PALS1: variants seen among roughly 807,000 people sequenced by gnomAD.
PALS1 encodes protein associated with LIN7 1, MAGUK p55 family member.
In PALS1, 31 loss-of-function variants were observed where a neutral mutation model predicts 78.9. The ratio of observed to expected loss-of-function variants is 0.39; its 90% CI spans 0.30 to 0.53. The LOEUF is 0.53. Among genes scored for constraint, PALS1 ranks in the 20% least tolerant of loss-of-function variants. PALS1 has a pLI of 0.67. For synonymous variants in PALS1, 276 were observed against 270.9 expected, an observed-to-expected ratio of 1.02 and a Z score of -0.18; for missense variants, 704 against 826.5, an observed-to-expected ratio of 0.85 and a Z score of 1.82.
chr14:67,289,261 G>A (rs998673006), intron 3 of PALS1, among the ~76,000 whole-genome samples: 2 of 151,840 alleles, frequency 1.3e-5, no homozygotes, highest in Admixed American at 6.6e-5. Flanking sequence ...AGCCACCATC[G>A]CACGTGGCTG....
In PALS1 at chr14:67,269,801, T is replaced by C. The variant is rs2084382683; in HGVS notation, c.-154+18T>C. 1 of 152,628 alleles carries C rather than the reference T, an allele frequency of 6.6e-6. No individual in the cohort carries two copies. The highest frequency in any genetic ancestry group is 2.4e-5 in the African/African-American group (1 of 41,446). The allele number at this position is 152,628 out of a possible 1,614,324, so 9.5% of individuals were successfully genotyped here. On this transcript the variant is annotated intron_variant, in intron 2 of 14. Transcript: ENST00000261681. ...TGCATAATGTAAGTTCTTTTCACTT[T>C]TCTTGGCTTGAATTCTGCCTTAGCT...
At chr14:67,257,675 A>G (rs1046277831) in intron 1 of PALS1, among the ~76,000 whole-genome samples, 76 of 152,330 alleles carry the variant, frequency 5.0e-4, no homozygotes, top group Non-Finnish European at 1.8e-4. Flanking sequence ...GTATGTATAT[A>G]TAACATACAG....
In PALS1 at chr14:67,280,285, G is replaced by A. The variant is rs199737731; in HGVS notation, c.367+748G>A. ...AATTTACTGCCTGCCCTTCTTGCAC[G>A]TGCACATACACCCAAGTGCTCACTG... On this transcript the variant is annotated intron_variant, in intron 3 of 14. Transcript: ENST00000261681. Among the ~76,000 whole-genome samples, 9 of 152,294 alleles carry A rather than the reference G, an allele frequency of 5.9e-5. No individual in the cohort carries two copies. In the East Asian group the frequency reaches 1.7e-3, roughly 29 times the overall value.
chr14:67,278,941 A>G, intron 2 of PALS1, 77 bp from the exon 3 acceptor site: 1 of 384,296 alleles, frequency 2.6e-6, no homozygotes, highest in Non-Finnish European at 4.6e-6. Context: ...TTGTATGGTG[A>G]TTAGAAGTGG....
intron 4 of PALS1, among the ~76,000 whole-genome samples, chr14:67,299,192 T>G (rs1245974050): frequency 6.6e-6 from 1 of 152,208 alleles, no homozygotes; most frequent in Non-Finnish European, 1.5e-5. Flanking sequence ...ATTGGCTATT[T>G]CTCTATCTTT....
chr14:67,302,497 G>T lies in PALS1; in HGVS notation c.889G>T (p.Glu297Ter). 6.3e-7 allele frequency: 1 copy of T among 1,597,526 alleles called. No homozygotes were observed. The highest frequency in any genetic ancestry group is 8.5e-7 in the Non-Finnish European group (1 of 1,172,262). The change falls in exon 7 of 15, where the codon GAA (glutamate) becomes TAA (stop). Residue 297 changes from glutamate (E) to a stop codon, truncating the protein, a stop_gained. Transcript: ENST00000261681. LOFTEE classifies it high-confidence loss of function. ...TGCAGAGAAAAGTGGTCTGTTGCAT[G>T]AAGGAGATGAAGTTCTAGAGATTAA... ...GAAEKSGLLH[E>*]GDEVLEINGI...
intron 6 of PALS1, 84 bp downstream of exon 6, chr14:67,302,202 A>C: frequency 7.1e-7 from 1 of 1,405,158 alleles, no homozygotes; most frequent in South Asian, 1.6e-5. Flanking sequence ...TCAGAATTCT[A>C]ATGAATAGAG....
At chr14:67,267,204 GTTTTC>G (rs1474005464) in intron 1 of PALS1, among the ~76,000 whole-genome samples, 23 of 152,238 alleles carry the variant, frequency 1.5e-4, no homozygotes, top group Non-Finnish European at 2.4e-4. Flanking sequence ...TTGAGGTTTT[GTTTTC>G]TTTTAAAATC....
At chr14:67,266,618 G>A (rs905028655) in intron 1 of PALS1, among the ~76,000 whole-genome samples, 15 of 151,864 alleles carry the variant, frequency 9.9e-5, no homozygotes, top group Middle Eastern at 3.4e-3. Context: ...GAGCCACCTC[G>A]CCCAGCTGAA....
At chr14:67,265,300 G>T (rs1184294164) in intron 1 of PALS1, among the ~76,000 whole-genome samples, 3 of 152,290 alleles carry the variant, frequency 2.0e-5, no homozygotes, top group South Asian at 4.1e-4. Flanking sequence ...ACTCATGCCT[G>T]TAATCTCAGA....
chr14:67,255,802 C>T (rs2084136440), intron 1 of PALS1, among the ~76,000 whole-genome samples: 2 of 152,172 alleles, frequency 1.3e-5, no homozygotes, highest in Non-Finnish European at 2.9e-5. Flanking sequence ...ATTCTTCTGC[C>T]TCAGCCTCCC....
chr14:67,325,328 A>G (rs1431076267), intron 14 of PALS1, among the ~76,000 whole-genome samples: 1 of 152,180 alleles, frequency 6.6e-6, no homozygotes, highest in Non-Finnish European at 1.5e-5. Context: ...AGGTTAAGAA[A>G]TGATATATAT....
chr14:67,313,524 T>TA (rs979635002), intron 9 of PALS1, among the ~76,000 whole-genome samples: 3 of 152,188 alleles, frequency 2.0e-5, no homozygotes, highest in African/African-American at 7.2e-5. Flanking sequence ...AAATGGCTCT[T>TA]ACAGTTCCCA....
chr14:67,312,593 G>C lies in PALS1; in HGVS notation c.1108G>C (p.Gly370Arg), dbSNP rs1215489463. ...DDPYVPCRELGLSFQKGDILH... is the reference protein window; with the variant it reads ...DDPYVPCRELRLSFQKGDILH... Reference sequence around the variant, plus strand: ...CCCTTATGTTCCATGTCGAGAGTTAGGTCTGTCTTTTCAAAAAGGTGATAT... The same window carrying C: ...CCCTTATGTTCCATGTCGAGAGTTACGTCTGTCTTTTCAAAAAGGTGATAT... Residue 370 changes from glycine (G) to arginine (R), a missense_variant, in exon 9 of 15, where the codon GGT (glycine) becomes CGT (arginine). Physicochemically the swap from Gly to Arg is moderately radical, Grantham distance 125. Coordinates refer to ENST00000261681, the MANE Select transcript of PALS1 (RefSeq NM_022474.4). The C allele has an allele frequency of 6.2e-7, 1 of 1,613,658 alleles. No individual in the cohort carries two copies. The highest frequency in any genetic ancestry group is 8.5e-7 in the Non-Finnish European group (1 of 1,179,794).
intron 2 of PALS1, among the ~76,000 whole-genome samples, chr14:67,272,852 A>G (rs1048592018): frequency 9.9e-5 from 15 of 152,068 alleles, no homozygotes; most frequent in African/African-American, 3.6e-4. Flanking sequence ...ATGTTTTTGT[A>G]GAGATGGGGT....
In PALS1 at chr14:67,302,126, T is replaced by TCCC; in HGVS notation, c.801+9_801+11dup. ...GCTCGTGATATTCCGTTGGTAAGTG[T>TCCC]CCCACATACTGTTTTTAAACAAGTG... is the stretch of plus-strand genomic sequence containing the variant. On this transcript the variant is annotated intron_variant, in intron 6 of 14. Transcript: ENST00000261681. The TCCC allele has an allele frequency of 6.3e-7, 1 of 1,589,130 alleles. No homozygotes were observed. Among genetic ancestry groups the TCCC allele is most frequent in the Non-Finnish European group, 8.5e-7 (1 of 1,170,192 alleles).
chr14:67,258,959 C>T (rs575355492), intron 1 of PALS1, among the ~76,000 whole-genome samples: 4 of 152,040 alleles, frequency 2.6e-5, no homozygotes, highest in African/African-American at 7.2e-5. Flanking sequence ...TTTCCTGCCT[C>T]ACCCTCCCGA....
At chr14:67,304,453 T>C (rs1158979584) in intron 8 of PALS1, among the ~76,000 whole-genome samples, 1 of 152,242 alleles carries the variant, frequency 6.6e-6, no homozygotes. Context: ...GGATATTATT[T>C]GATAATTTTA....
At chr14:67,298,885 A>C (rs117594663) in intron 4 of PALS1, among the ~76,000 whole-genome samples, 16 of 152,252 alleles carry the variant, frequency 1.1e-4, no homozygotes, top group Admixed American at 4.6e-4. Flanking sequence ...TGTTTTACAA[A>C]TTTGTCATTT....
Sources: allele counts gnomAD v4.1 joint callset (sites outside exome capture counted in the v4.1 genomes callset), GRCh38; gene constraint gnomAD v4.1.1; transcripts MANE v1.5; gene names NCBI Gene and HGNC (gene_info 2026-07-23, HGNC 2026-07-21).